The following CAMK2D variants were observed in gnomAD, a reference collection of about 807,000 sequenced individuals.
CAMK2D encodes the protein calcium/calmodulin-dependent protein kinase type II subunit delta.
In CAMK2D, 37 loss-of-function variants were observed where a neutral mutation model predicts 84.0. That is an observed-to-expected ratio of 0.44 (90% confidence interval 0.34 to 0.58). CAMK2D has a LOEUF of 0.58. CAMK2D is among the 20% of genes least tolerant of loss of function. The pLI is 0.02. For missense variants in CAMK2D, 448 were observed against 652.5 expected, an observed-to-expected ratio of 0.69 and a Z score of 3.41; for synonymous variants, 202 against 212.5, an observed-to-expected ratio of 0.95 and a Z score of 0.43.
chr4:113,616,680 G>A (rs1410525772), intron 3 of CAMK2D, among the ~76,000 whole-genome samples: 2 of 152,078 alleles, frequency 1.3e-5, no homozygotes, highest in Non-Finnish European at 2.9e-5. Flanking sequence ...CAGTTCTTTT[G>A]CTTGAAAGAA....
intron 3 of CAMK2D, among the ~76,000 whole-genome samples, chr4:113,620,173 G>C (rs2099039571): frequency 6.6e-6 from 1 of 152,144 alleles, no homozygotes; most frequent in Non-Finnish European, 1.5e-5. Context: ...TCTTATAAAA[G>C]CAGTGAAGAG....
intron 16 of CAMK2D, among the ~76,000 whole-genome samples, chr4:113,480,837 C>T (rs1411637288): frequency 6.6e-6 from 1 of 151,890 alleles, no homozygotes; most frequent in Non-Finnish European, 1.5e-5. Flanking sequence ...TGAGACTCCT[C>T]TTCAAAAACA....
intron 2 of CAMK2D, among the ~76,000 whole-genome samples, chr4:113,736,742 AATT>A (rs1396424737): frequency 1.3e-5 from 2 of 152,172 alleles, no homozygotes; most frequent in Non-Finnish European, 2.9e-5. Context: ...AGTGAAAAAT[AATT>A]ATGAAAAACA....
intron 12 of CAMK2D, 195 bp downstream of exon 12, chr4:113,513,133 C>T (rs1306284220): frequency 3.1e-6 from 3 of 982,290 alleles, no homozygotes; most frequent in Non-Finnish European, 3.6e-6. Context: ...GTCACGGAGG[C>T]TCGGCAGCAG....
intron 4 of CAMK2D, among the ~76,000 whole-genome samples, chr4:113,562,476 T>C (rs1430200231): frequency 6.6e-6 from 1 of 152,236 alleles, no homozygotes; most frequent in African/African-American, 2.4e-5. Flanking sequence ...TACTACACTA[T>C]CTTCTTAAAG....
intron 2 of CAMK2D, among the ~76,000 whole-genome samples, chr4:113,712,726 C>A (rs945537442): frequency 1.3e-5 from 2 of 151,576 alleles, no homozygotes. Context: ...AACATTTATC[C>A]ACCGCCATGT....
chr4:113,653,966 TGAG>T (rs1172515452), intron 3 of CAMK2D, among the ~76,000 whole-genome samples: 1 of 151,942 alleles, frequency 6.6e-6, no homozygotes, highest in African/African-American at 2.4e-5. Flanking sequence ...CATAAAAACT[TGAG>T]GAATGGTATT....
intron 2 of CAMK2D, among the ~76,000 whole-genome samples, chr4:113,685,997 G>A (rs182633721): frequency 1.6e-4 from 25 of 151,904 alleles, no homozygotes; most frequent in Admixed American, 1.5e-3. Context: ...CTGGGAGGCG[G>A]AGATTGCAGT....
At chr4:113,509,420 T>TGACTA (rs2098179068) in intron 13 of CAMK2D, among the ~76,000 whole-genome samples, 1 of 152,222 alleles carries the variant, frequency 6.6e-6, no homozygotes, top group African/African-American at 2.4e-5. Flanking sequence ...TATTTTTTCA[T>TGACTA]GACTATTTCA....
At chr4:113,753,676 C>T (rs950582309) in intron 2 of CAMK2D, 2 of 470,960 alleles carry the variant, frequency 4.2e-6, no homozygotes, top group Non-Finnish European at 5.5e-6. Flanking sequence ...TAACTGTATA[C>T]TGATAATTAC....
intron 16 of CAMK2D, among the ~76,000 whole-genome samples, chr4:113,482,160 T>C (rs767122450): frequency 6.6e-5 from 10 of 152,166 alleles, no homozygotes; most frequent in Non-Finnish European, 1.3e-4. Context: ...CTGTTGAGAA[T>C]AGACTGTAAG....
intron 1 of CAMK2D, among the ~76,000 whole-genome samples, chr4:113,759,718 G>T (rs1056111769): frequency 6.6e-6 from 1 of 152,156 alleles, no homozygotes; most frequent in Non-Finnish European, 1.5e-5. Context: ...AGCACCAAAT[G>T]CTCTGAGAAA....
intron 2 of CAMK2D, among the ~76,000 whole-genome samples, chr4:113,753,463 C>T (rs1442110615): frequency 6.6e-6 from 1 of 151,764 alleles, no homozygotes; most frequent in Non-Finnish European, 1.5e-5. Flanking sequence ...GATTTAAAAA[C>T]AAAACCAAAC....
At chr4:113,564,731 T>A (rs747786081) in intron 4 of CAMK2D, among the ~76,000 whole-genome samples, 1 of 152,210 alleles carries the variant, frequency 6.6e-6, no homozygotes, top group African/African-American at 2.4e-5. Flanking sequence ...GAAGTGGAAC[T>A]ACGGGTATTT....
chr4:113,576,731 G>C (rs543292173), intron 4 of CAMK2D, among the ~76,000 whole-genome samples: 2 of 151,548 alleles, frequency 1.3e-5, no homozygotes, highest in Non-Finnish European at 2.9e-5. Context: ...TTTTAAAAGA[G>C]AATTTTGAAA....
At chr4:113,696,517 C>G (rs1450356106) in intron 2 of CAMK2D, among the ~76,000 whole-genome samples, 2 of 152,084 alleles carry the variant, frequency 1.3e-5, no homozygotes, top group African/African-American at 4.8e-5. Context: ...TCAGTCATCT[C>G]CCTGGTCTTC....
intron 16 of CAMK2D, among the ~76,000 whole-genome samples, chr4:113,467,774 A>T (rs1009472479): frequency 6.6e-6 from 1 of 152,184 alleles, no homozygotes; most frequent in African/African-American, 2.4e-5. Context: ...GTTAGGCAAT[A>T]GGTGATTCAT....
At chr4:113,653,243 G>A (rs1184821150) in intron 3 of CAMK2D, among the ~76,000 whole-genome samples, 5 of 151,826 alleles carry the variant, frequency 3.3e-5, no homozygotes, top group Admixed American at 6.6e-5. Context: ...AAAATATATC[G>A]CTGTGCTAGT....
intron 2 of CAMK2D, among the ~76,000 whole-genome samples, chr4:113,720,398 A>T (rs2099526981): frequency 2.0e-5 from 3 of 151,558 alleles, no homozygotes; most frequent in Admixed American, 6.6e-5. Flanking sequence ...ACACTCACAC[A>T]TTTTAAAAAA....
Sources: allele counts gnomAD v4.1 joint callset (sites outside exome capture counted in the v4.1 genomes callset), GRCh38; gene constraint gnomAD v4.1.1; transcripts MANE v1.5; gene names NCBI Gene and HGNC (gene_info 2026-07-23, HGNC 2026-07-21).